The following TDRKH variants were observed in gnomAD, a reference collection of about 807,000 sequenced individuals.
The protein encoded by TDRKH is tudor and KH domain containing, also known as tudor and KH domain-containing protein.
Under a neutral mutation model 61.3 loss-of-function variants are expected in TDRKH, and 28 were observed. The ratio of observed to expected loss-of-function variants is 0.46; its 90% CI spans 0.34 to 0.63. The LOEUF (loss-of-function observed/expected upper bound fraction) is 0.63, where lower values mean the gene tolerates loss of function less well. Among genes scored for constraint, TDRKH ranks in the 20% least tolerant of loss-of-function variants. The pLI is 0.01. For synonymous variants in TDRKH, 219 were observed against 244.4 expected (o/e 0.90, Z 0.97); for missense variants, 540 against 683.4 (o/e 0.79, Z 2.34).
intron 1 of TDRKH, 27 bp downstream of exon 1, chr1:151,790,353 T>G (rs1242089295): frequency 6.6e-6 from 1 of 152,612 alleles, no homozygotes; most frequent in Non-Finnish European, 1.5e-5. Flanking sequence ...GGGCTGCCCA[T>G]GACCCTGTCT....
chr1:151,781,504 G>A lies in TDRKH; in HGVS notation c.208C>T (p.Arg70Trp), dbSNP rs1231192102. ...ACCTGTTTAATATTGGCTCCTTGCC[G>A]GCCAATGATGAGTTTCACAGCCTCC... ...PQEAVKLIIG[R>W]QGANIKQLRK... The change falls in exon 3 of 13, where the codon CGG (arginine) becomes TGG (tryptophan). Residue 70 changes from arginine (R) to tryptophan (W), a missense_variant. Transcript: ENST00000368824. The A allele has an allele frequency of 9.3e-6, 15 of 1,613,228 alleles. No individual in the cohort carries two copies. Among genetic ancestry groups the A allele is most frequent in the Admixed American group, 1.7e-5 (1 of 59,912 alleles).
intron 10 of TDRKH, 65 bp from the exon 11 acceptor site, chr1:151,775,231 A>G: frequency 6.3e-7 from 1 of 1,583,936 alleles, no homozygotes. Context: ...TGAGGAAACA[A>G]GGCAGAAGGA....
downstream of TDRKH, chr1:151,771,401 G>GC: frequency 2.4e-5 from 31 of 1,316,124 alleles, no homozygotes; most frequent in Non-Finnish European, 3.0e-5. Context: ...CCTTAACAGA[G>GC]CTAAATTCAC....
At position 151,775,647 on chromosome 1, in the gene TDRKH, C is replaced by T. The variant is rs1330294128; in HGVS notation, c.1283-104G>A. ...ACTCAGGAAGGCACCTGTGTCTTCT[C>T]TGGTTGGGTTGGGTCTGCCAGGCAA... On this transcript the variant is annotated intron_variant, in intron 9 of 12. Transcript: ENST00000368824. 2.0e-6 allele frequency: 3 copies of T among 1,521,790 alleles called. No homozygotes were observed. The East Asian group carries it at 6.8e-5, about 34-fold the overall frequency. 94.3% of individuals were successfully genotyped at this position (1,521,790 alleles called of 1,614,324 possible). A position where few individuals can be genotyped will look rare whatever the true frequency, so the allele number is the denominator to read the frequency against.
In TDRKH at chr1:151,773,549, G is replaced by C. The variant is rs1648867446; in HGVS notation, c.*903C>G. 1 of 152,564 alleles carries C rather than the reference G, an allele frequency of 6.6e-6. No individual in the cohort carries two copies. Among genetic ancestry groups the C allele is most frequent in the South Asian group, 2.1e-4 (1 of 4,834 alleles). The allele number at this position is 152,564 out of a possible 1,614,324, so 9.5% of individuals were successfully genotyped here. A position where few individuals can be genotyped will look rare whatever the true frequency, so the allele number is the denominator to read the frequency against. ...TCCTCCAAATGATTCAAACAGGACTGTATACTCTTCCTCTCTCTCCACGGG... is the reference window on the plus strand; with the variant it reads ...TCCTCCAAATGATTCAAACAGGACTCTATACTCTTCCTCTCTCTCCACGGG... On this transcript the variant is annotated 3_prime_UTR_variant, in exon 13 of 13. Coordinates refer to ENST00000368824, the MANE Select transcript of TDRKH (RefSeq NM_001083965.2).
intron 4 of TDRKH, 131 bp downstream of exon 4, chr1:151,779,820 T>C: frequency 2.2e-6 from 2 of 903,852 alleles, no homozygotes; most frequent in Admixed American, 2.8e-5. Context: ...AGTAAACCTC[T>C]GGTCTCAATG....
intron 1 of TDRKH, among the ~76,000 whole-genome samples, chr1:151,785,077 G>A (rs1650193442): frequency 6.6e-6 from 1 of 151,866 alleles, no homozygotes; most frequent in Non-Finnish European, 1.5e-5. Flanking sequence ...GACTACAGGT[G>A]CATGCCACCA....
chr1:151,775,788 G>A (rs965787393), intron 9 of TDRKH, 32 bp downstream of exon 9: 3 of 1,602,410 alleles, frequency 1.9e-6, no homozygotes, highest in Non-Finnish European at 1.7e-6. Flanking sequence ...TCTATTTGGA[G>A]GTAAGCTCAA....
At chr1:151,784,700 C>T (rs771135054) in intron 1 of TDRKH, among the ~76,000 whole-genome samples, 1 of 152,088 alleles carries the variant, frequency 6.6e-6, no homozygotes, top group Non-Finnish European at 1.5e-5. Flanking sequence ...ATCTGTCCTT[C>T]GCCCTCTTCT....
intron 4 of TDRKH, 68 bp downstream of exon 4, chr1:151,779,883 G>C (rs1649582896): frequency 6.7e-7 from 1 of 1,489,816 alleles, no homozygotes; most frequent in Non-Finnish European, 9.1e-7. Flanking sequence ...AAAAAACCCT[G>C]GGAAGGTGTG....
downstream of TDRKH, chr1:151,767,200 C>G: frequency 6.2e-7 from 1 of 1,614,026 alleles, no homozygotes; most frequent in Non-Finnish European, 8.5e-7. Context: ...GACACTCCAG[C>G]CCCGTTCCTG....
chr1:151,773,291 G>C (rs572475005), downstream of TDRKH, among the ~76,000 whole-genome samples: 1 of 152,194 alleles, frequency 6.6e-6, no homozygotes, highest in Non-Finnish European at 1.5e-5. Context: ...AAAGCGCTGG[G>C]ATTACAGGTG....
At chr1:151,783,724 G>C (rs1479433738) in intron 1 of TDRKH, 1 of 152,244 alleles carries the variant, frequency 6.6e-6, no homozygotes, top group South Asian at 2.1e-4. Context: ...TTTCCCTGGA[G>C]GGTCCTTCCA....
At chr1:151,767,001 A>G, downstream of TDRKH, 1 of 1,365,758 alleles carries the variant, frequency 7.3e-7, no homozygotes, top group Non-Finnish European at 1.0e-6. Flanking sequence ...AGGGGGTGGA[A>G]AGCTGGCATG....
downstream of TDRKH, among the ~76,000 whole-genome samples, chr1:151,773,065 C>CAG (rs1335283570): frequency 6.8e-6 from 1 of 146,450 alleles, no homozygotes; most frequent in Non-Finnish European, 1.5e-5. Flanking sequence ...TTTTTTGAGA[C>CAG]AGAGTCTCTC....
chr1:151,768,539 A>G (rs1381781554), downstream of TDRKH, among the ~76,000 whole-genome samples: 1 of 152,226 alleles, frequency 6.6e-6, no homozygotes, highest in African/African-American at 2.4e-5. Context: ...CTTGGCTTCC[A>G]AGAAAAATCT....
downstream of TDRKH, among the ~76,000 whole-genome samples, chr1:151,768,607 C>T (rs889380793): frequency 5.9e-5 from 9 of 152,250 alleles, no homozygotes; most frequent in East Asian, 1.9e-4. Context: ...GGGCAGAAAA[C>T]GACCAATAAT....
intron 6 of TDRKH, among the ~76,000 whole-genome samples, chr1:151,777,038 G>A (rs4634911): frequency 0.41 from 61,905 of 151,858 alleles, 13,667 homozygotes; most frequent in Non-Finnish European, 0.51. Context: ...CTTTGCCCAC[G>A]CCAAAACCTA....
chr1:151,788,558 A>G lies in TDRKH; in HGVS notation c.-28+1822T>C, dbSNP rs553275538. ...TGGGGCATAGAAATCACAAGATTTTATAACTAGAAGGGACTACAGAACTTA... is the reference window on the plus strand; with the variant it reads ...TGGGGCATAGAAATCACAAGATTTTGTAACTAGAAGGGACTACAGAACTTA... On this transcript the variant is annotated intron_variant, in intron 1 of 12. Transcript: ENST00000368824. Among the ~76,000 whole-genome samples the G allele has an allele frequency of 1.1e-3, 175 of 152,374 alleles. 1 individual carries two copies. The highest frequency in any genetic ancestry group is 0.01 in the Middle Eastern group (3 of 294).
Sources: gnomAD v4.1 joint callset for allele counts (sites outside exome capture counted in the v4.1 genomes callset) on GRCh38, gnomAD v4.1.1 for gene constraint, MANE v1.5 for transcripts, NCBI Gene and HGNC (gene_info 2026-07-23, HGNC 2026-07-21) for gene names.